IL1RAPL2: variants seen among roughly 807,000 people sequenced by gnomAD.
IL1RAPL2 encodes the protein X-linked interleukin-1 receptor accessory protein-like 2.
Under a neutral mutation model 44.1 loss-of-function variants are expected in IL1RAPL2, and 3 were observed. The observed-to-expected ratio is 0.07, with a 90% CI of 0.03 to 0.18. The LOEUF (loss-of-function observed/expected upper bound fraction) is 0.18. Ranked by LOEUF, IL1RAPL2 falls within the 10% of genes least tolerant of loss-of-function variation. The probability of loss-of-function intolerance (pLI) is 1.00; values close to 1 mark genes in which losing one functional copy is unlikely to be tolerated. For missense variants in IL1RAPL2, 391 were observed against 496.4 expected (o/e 0.79, Z 2.02); for synonymous variants, 181 against 178.8 (o/e 1.01, Z -0.10).
At chrX:105,021,076 T>G (rs1178618960) in intron 2 of IL1RAPL2, among the ~76,000 whole-genome samples, 2 of 111,958 alleles carry the variant, frequency 1.8e-5, no homozygotes, top group Non-Finnish European at 3.8e-5. Flanking sequence ...CAGATCTAAC[T>G]TAAGGAGATA....
chrX:105,711,174 C>T (rs1310901012), intron 6 of IL1RAPL2, among the ~76,000 whole-genome samples: 1 of 110,037 alleles, frequency 9.1e-6, no homozygotes, highest in Admixed American at 9.8e-5. Flanking sequence ...ATTAATGGGT[C>T]TCTTAGTCCA....
At chrX:105,371,987 C>T (rs1448583747) in intron 5 of IL1RAPL2, among the ~76,000 whole-genome samples, 1 of 111,545 alleles carries the variant, frequency 9.0e-6, no homozygotes, top group Non-Finnish European at 1.9e-5. Flanking sequence ...AATCTTGAAG[C>T]TTCACATAAA....
chrX:104,942,413 C>T (rs1925207109), intron 2 of IL1RAPL2, among the ~76,000 whole-genome samples: 1 of 111,028 alleles, frequency 9.0e-6, no homozygotes, highest in Admixed American at 9.6e-5. Context: ...AGAGGTCCTT[C>T]ACATCCTTTG....
chrX:105,112,639 G>A (rs1442821677), intron 2 of IL1RAPL2, among the ~76,000 whole-genome samples: 6 of 112,558 alleles, frequency 5.3e-5, no homozygotes, highest in South Asian at 3.6e-4. Flanking sequence ...CTGAATATAC[G>A]TATCAGCTTA....
chrX:105,583,336 G>A (rs1328253390), intron 6 of IL1RAPL2, among the ~76,000 whole-genome samples: 4 of 110,053 alleles, frequency 3.6e-5, no homozygotes, highest in African/African-American at 1.3e-4. Flanking sequence ...GGGTTTCACC[G>A]TGTTAGCCAG....
chrX:105,081,703 A>C (rs4494036), intron 2 of IL1RAPL2, among the ~76,000 whole-genome samples: 6,991 of 111,346 alleles, frequency 0.063, 607 homozygotes, highest in African/African-American at 0.22. Flanking sequence ...AATTTTGTTG[A>C]AGGCATTTCC....
At chrX:105,069,543 G>T (rs2032180631) in intron 2 of IL1RAPL2, among the ~76,000 whole-genome samples, 1 of 111,833 alleles carries the variant, frequency 8.9e-6, no homozygotes, top group Non-Finnish European at 1.9e-5. Context: ...TGGAGCAAGG[G>T]CTGGGAATTC....
intron 3 of IL1RAPL2, among the ~76,000 whole-genome samples, chrX:105,216,452 A>C (rs782604013): frequency 3.6e-5 from 4 of 111,242 alleles, no homozygotes; most frequent in Non-Finnish European, 7.5e-5. Context: ...GAATAAGAGA[A>C]GACACAAATG....
intron 6 of IL1RAPL2, among the ~76,000 whole-genome samples, chrX:105,578,049 A>G (rs2037063555): frequency 1.5e-5 from 1 of 68,638 alleles, no homozygotes; most frequent in Admixed American, 2.0e-4. Context: ...ACCCCACAAC[A>G]GTCCACAGAG....
chrX:104,690,713 C>T (rs1469310736), intron 2 of IL1RAPL2, among the ~76,000 whole-genome samples: 2 of 112,228 alleles, frequency 1.8e-5, no homozygotes, highest in South Asian at 3.7e-4. Context: ...TTGGTTCTGG[C>T]ATCTTTAGTG....
intron 2 of IL1RAPL2, among the ~76,000 whole-genome samples, chrX:104,927,877 C>G (rs765974678): frequency 8.9e-6 from 1 of 112,076 alleles, no homozygotes; most frequent in Non-Finnish European, 1.9e-5. Flanking sequence ...TGTTTGGTTA[C>G]TTGCGCTCAC....
At chrX:105,327,036 G>T (rs920455296) in intron 5 of IL1RAPL2, among the ~76,000 whole-genome samples, 29 of 112,210 alleles carry the variant, frequency 2.6e-4, no homozygotes, top group African/African-American at 9.4e-4. Context: ...GGGAAGTTGG[G>T]TAGAATTGTC....
At chrX:104,947,632 T>C (rs1465901229) in intron 2 of IL1RAPL2, among the ~76,000 whole-genome samples, 2 of 105,785 alleles carry the variant, frequency 1.9e-5, no homozygotes, top group Non-Finnish European at 3.9e-5. Context: ...GCTTTCTACA[T>C]ATGGCTAGCC....
At chrX:104,699,169 C>G (rs893898997) in intron 2 of IL1RAPL2, among the ~76,000 whole-genome samples, 1 of 111,527 alleles carries the variant, frequency 9.0e-6, no homozygotes, top group Non-Finnish European at 1.9e-5. Flanking sequence ...TTTCTGTGGA[C>G]TTGGTGGGGG....
chrX:105,436,224 A>G (rs867454974), intron 5 of IL1RAPL2, among the ~76,000 whole-genome samples: 6 of 110,594 alleles, frequency 5.4e-5, no homozygotes, highest in Admixed American at 3.9e-4. Flanking sequence ...AGAAGAGATC[A>G]GTGATTACCA....
intron 6 of IL1RAPL2, among the ~76,000 whole-genome samples, chrX:105,597,149 A>C (rs2037217402): frequency 8.9e-6 from 1 of 112,194 alleles, no homozygotes; most frequent in East Asian, 2.8e-4. Context: ...AAAAATGGGC[A>C]GTGTACCTGA....
chrX:104,656,623 A>G (rs1054811376), intron 1 of IL1RAPL2, among the ~76,000 whole-genome samples: 3 of 111,636 alleles, frequency 2.7e-5, no homozygotes, highest in African/African-American at 6.5e-5. Context: ...AATAAGTGCA[A>G]TGTGGTGCAG....
intron 6 of IL1RAPL2, among the ~76,000 whole-genome samples, chrX:105,573,232 T>C (rs1476208883): frequency 9.0e-6 from 1 of 110,859 alleles, no homozygotes; most frequent in Non-Finnish European, 1.9e-5. Flanking sequence ...CTAATTTTTG[T>C]ATTTTTTGAA....
chrX:104,721,861 G>A (rs1931684056), intron 2 of IL1RAPL2, among the ~76,000 whole-genome samples: 1 of 111,343 alleles, frequency 9.0e-6, no homozygotes, highest in Non-Finnish European at 1.9e-5. Context: ...CACACAGATA[G>A]GTTTGAAATT....
Sources: allele counts gnomAD v4.1 joint callset (sites outside exome capture counted in the v4.1 genomes callset), GRCh38; gene constraint gnomAD v4.1.1; transcripts MANE v1.5; gene names NCBI Gene and HGNC (gene_info 2026-07-23, HGNC 2026-07-21).